The following CARMIL1 variants were observed in gnomAD, a reference collection of about 807,000 sequenced individuals.
The protein encoded by CARMIL1 is capping protein regulator and myosin 1 linker 1, also known as F-actin-uncapping protein LRRC16A.
In CARMIL1, 90 loss-of-function variants were observed where a neutral mutation model predicts 177.1. The ratio of observed to expected loss-of-function variants is 0.51; its 90% confidence interval spans 0.43 to 0.61. CARMIL1 has a LOEUF of 0.61. CARMIL1 is among the 20% of genes least tolerant of loss of function. CARMIL1 has a pLI of 0.00. For synonymous variants in CARMIL1, 577 were observed against 606.2 expected (o/e 0.95, Z 0.71); for missense variants, 1,380 against 1,667.0 (o/e 0.83, Z 3.00).
chr6:25,385,442 A>G (rs1195971489), intron 2 of CARMIL1, among the ~76,000 whole-genome samples: 1 of 152,166 alleles, frequency 6.6e-6, no homozygotes, highest in Non-Finnish European at 1.5e-5. Flanking sequence ...CTGGAGACAG[A>G]GTAGATAAGT....
intron 26 of CARMIL1, 77 bp downstream of exon 26, chr6:25,540,155 T>A: frequency 7.3e-7 from 1 of 1,362,222 alleles, no homozygotes; most frequent in Non-Finnish European, 9.8e-7. Context: ...TCCATAGCTA[T>A]CTATGTTTTA....
intron 2 of CARMIL1, among the ~76,000 whole-genome samples, chr6:25,347,702 A>G (rs555436828): frequency 6.6e-6 from 1 of 152,354 alleles, no homozygotes; most frequent in East Asian, 1.9e-4. Context: ...TAATGTTAAC[A>G]TCTTATTTAA....
chr6:25,604,327 A>G (rs1035675740), intron 33 of CARMIL1, among the ~76,000 whole-genome samples: 1 of 152,074 alleles, frequency 6.6e-6, no homozygotes, highest in East Asian at 1.9e-4. Context: ...CAATTCTCCC[A>G]TCTCAGTTTC....
intron 16 of CARMIL1, among the ~76,000 whole-genome samples, chr6:25,497,265 G>A (rs1227049868): frequency 6.6e-6 from 1 of 152,198 alleles, no homozygotes; most frequent in East Asian, 1.9e-4. Context: ...ACACTGCGCT[G>A]GGTGCTTACA....
At chr6:25,585,750 C>T (rs998270530) in intron 31 of CARMIL1, among the ~76,000 whole-genome samples, 8 of 152,200 alleles carry the variant, frequency 5.3e-5, no homozygotes, top group Middle Eastern at 3.4e-3. Context: ...GGTGATGACT[C>T]TTAAGGAGCA....
intron 21 of CARMIL1, 82 bp from the exon 22 acceptor site, chr6:25,517,265 C>A: frequency 2.1e-6 from 2 of 964,746 alleles, no homozygotes; most frequent in Non-Finnish European, 3.3e-6. Flanking sequence ...CTACACACTG[C>A]TGTCTATAAG....
intron 2 of CARMIL1, among the ~76,000 whole-genome samples, chr6:25,309,539 C>T (rs1258580928): frequency 1.3e-5 from 2 of 151,600 alleles, no homozygotes; most frequent in Non-Finnish European, 2.9e-5. Flanking sequence ...CCCCAGTCCA[C>T]CTATCCTTCT....
chr6:25,482,316 T>C lies in CARMIL1; in HGVS notation c.934T>C (p.Leu312=). Residue 312 remains leucine, a synonymous_variant, in exon 12 of 37, where the codon TTA becomes CTA. Coordinates refer to ENST00000329474, the MANE Select transcript of CARMIL1 (RefSeq NM_017640.6). The stretch of plus-strand genomic sequence containing the variant: ...CCCAAAGGGATTAAAGCACTTAAAT[T>C]TATCTAAAACCTCATTATCACCTAA... ...KLPKGLKHLN[L]SKTSLSPKGV... 1 of 1,583,844 alleles carries C rather than the reference T, an allele frequency of 6.3e-7. No individual in the cohort carries two copies. Among genetic ancestry groups the C allele is most frequent in the Non-Finnish European group, 8.6e-7 (1 of 1,159,926 alleles).
At chr6:25,337,641 G>A (rs1786403750) in intron 2 of CARMIL1, among the ~76,000 whole-genome samples, 1 of 152,210 alleles carries the variant, frequency 6.6e-6, no homozygotes, top group South Asian at 2.1e-4. Context: ...TGTGAAGGGC[G>A]ATTGTGATGG....
rs1297180729 is a variant in CARMIL1, at chr6:25,502,249, CAAACAAAAAAA to C, written c.1395+2031_1395+2041del. Among the ~76,000 whole-genome samples the C allele has an allele frequency of 1.5e-3, 218 of 144,722 alleles. 1 individual carries two copies. The highest frequency in any genetic ancestry group is 3.4e-3 in the Middle Eastern group (1 of 290). The allele number at this position is 144,722 out of a possible 152,430, so 94.9% of individuals were successfully genotyped here. ...TAGGTTATTCTGTCAAAAAAGCAAA[CAAACAAAAAAA>C]AAACAAAAAAAAAACACCAGGCTGG... On this transcript the variant is annotated intron_variant, in intron 17 of 36. Coordinates refer to ENST00000329474, the MANE Select transcript of CARMIL1 (RefSeq NM_017640.6).
At chr6:25,610,313 T>A in intron 36 of CARMIL1, 132 bp downstream of exon 36, 2 of 1,085,308 alleles carry the variant, frequency 1.8e-6, no homozygotes, top group Non-Finnish European at 2.5e-6. Context: ...TGGGTTAAAT[T>A]TTTGGAAATG....
intron 29 of CARMIL1, among the ~76,000 whole-genome samples, chr6:25,565,875 G>C (rs1353595716): frequency 6.6e-6 from 1 of 152,090 alleles, no homozygotes; most frequent in Non-Finnish European, 1.5e-5. Context: ...TTCAGCTACA[G>C]GTACATATTT....
chr6:25,539,740 C>G (rs1054180670), intron 25 of CARMIL1, among the ~76,000 whole-genome samples: 2 of 150,530 alleles, frequency 1.3e-5, no homozygotes, highest in Non-Finnish European at 3.0e-5. Flanking sequence ...AATACCCAGT[C>G]TAGTGTTTCT....
At chr6:25,408,292 TAAAAAAAAAA>T (rs1166997029) in intron 2 of CARMIL1, among the ~76,000 whole-genome samples, 6 of 96,456 alleles carry the variant, frequency 6.2e-5, no homozygotes, top group African/African-American at 2.1e-4. Context: ...TCTCTTAAAA[TAAAAAAAAAA>T]AAAAAAAAAA....
intron 31 of CARMIL1, among the ~76,000 whole-genome samples, chr6:25,585,547 A>T (rs115923672): frequency 0.019 from 2,957 of 152,138 alleles, 82 homozygotes; most frequent in African/African-American, 0.061. Context: ...TTTTTTATTT[A>T]TTTTTTATTT....
intron 8 of CARMIL1, among the ~76,000 whole-genome samples, chr6:25,459,278 TTTAAGACAGGG>T (rs1562168051): frequency 2.1e-4 from 9 of 41,938 alleles, no homozygotes; most frequent in African/African-American, 4.9e-4. Context: ...TTTTTTTTTT[TTTAAGACAGGG>T]TCTTGCTGTA....
intron 24 of CARMIL1, among the ~76,000 whole-genome samples, chr6:25,537,318 A>G (rs1032082873): frequency 2.0e-5 from 3 of 152,170 alleles, no homozygotes; most frequent in African/African-American, 7.2e-5. Context: ...TACTTGATGT[A>G]ATTGAATCGA....
At chr6:25,356,082 G>A (rs927239452) in intron 2 of CARMIL1, among the ~76,000 whole-genome samples, 2 of 138,040 alleles carry the variant, frequency 1.4e-5, no homozygotes, top group African/African-American at 5.5e-5. Flanking sequence ...ACGGAGTTTC[G>A]CTCTGTCGCC....
chr6:25,504,225 T>C (rs1804700476), intron 17 of CARMIL1, among the ~76,000 whole-genome samples: 1 of 152,116 alleles, frequency 6.6e-6, no homozygotes, highest in African/African-American at 2.4e-5. Context: ...AAGATGGTAG[T>C]TGAGATTATT....
Sources: gnomAD v4.1 joint callset for allele counts (sites outside exome capture counted in the v4.1 genomes callset) on GRCh38, gnomAD v4.1.1 for gene constraint, MANE v1.5 for transcripts, NCBI Gene and HGNC (gene_info 2026-07-23, HGNC 2026-07-21) for gene names.